MYT1L: variants seen among roughly 807,000 people sequenced by gnomAD.
The protein encoded by MYT1L is myelin transcription factor 1 like.
MYT1L carries 12 observed loss-of-function variants against 126.7 expected under a neutral mutation model. The observed-to-expected ratio is 0.09, with a 90% CI of 0.06 to 0.15. The LOEUF is 0.15. Among genes scored for constraint, MYT1L ranks in the 10% least tolerant of loss-of-function variants. The probability of loss-of-function intolerance (pLI) is 1.00; values close to 1 mark genes in which losing one functional copy is unlikely to be tolerated. For missense variants in MYT1L, 979 were observed against 1,585.2 expected, an observed-to-expected ratio of 0.62 and a Z score of 6.49; for synonymous variants, 541 against 604.2, an observed-to-expected ratio of 0.90 and a Z score of 1.53.
At chr2:1,817,318 G>C (rs2037817572) in intron 21 of MYT1L, among the ~76,000 whole-genome samples, 1 of 152,142 alleles carries the variant, frequency 6.6e-6, no homozygotes, top group African/African-American at 2.4e-5. Flanking sequence ...CCATGGGTGG[G>C]GGGATAGGGG....
chr2:2,028,949 C>CT (rs1385895036), intron 4 of MYT1L, among the ~76,000 whole-genome samples: 1 of 152,150 alleles, frequency 6.6e-6, no homozygotes, highest in Non-Finnish European at 1.5e-5. Flanking sequence ...TAAAGGACAC[C>CT]TTTTTTGAGA....
chr2:1,934,132 G>A (rs980606567), intron 9 of MYT1L, among the ~76,000 whole-genome samples: 4 of 150,700 alleles, frequency 2.7e-5, no homozygotes, highest in Admixed American at 6.6e-5. Flanking sequence ...CCGCCACCAC[G>A]CCTGGCTAAT....
intron 2 of MYT1L, among the ~76,000 whole-genome samples, chr2:2,198,554 G>A (rs1009681992): frequency 2.6e-5 from 4 of 152,052 alleles, no homozygotes; most frequent in African/African-American, 4.8e-5. Context: ...CAATTACCAC[G>A]TGTCAATTAG....
chr2:2,162,797 A>G (rs2088234947), intron 3 of MYT1L, among the ~76,000 whole-genome samples: 1 of 152,200 alleles, frequency 6.6e-6, no homozygotes, highest in Non-Finnish European at 1.5e-5. Flanking sequence ...AGCCTAGTCT[A>G]TTCCAACTCA....
intron 3 of MYT1L, among the ~76,000 whole-genome samples, chr2:2,150,577 T>C (rs2085593957): frequency 2.6e-5 from 4 of 152,186 alleles, no homozygotes; most frequent in Admixed American, 2.6e-4. Context: ...TTTGACTAAA[T>C]TACAATTTTT....
At chr2:2,214,197 C>T (rs1346356050) in intron 2 of MYT1L, among the ~76,000 whole-genome samples, 1 of 151,774 alleles carries the variant, frequency 6.6e-6, no homozygotes, top group Non-Finnish European at 1.5e-5. Context: ...GGGACAACTT[C>T]TAGTGGTCTC....
At chr2:2,247,115 C>T (rs149481743) in intron 2 of MYT1L, among the ~76,000 whole-genome samples, 4 of 152,224 alleles carry the variant, frequency 2.6e-5, no homozygotes, top group East Asian at 1.9e-4. Context: ...GATGGAAAAA[C>T]AAGACCCAAC....
intron 13 of MYT1L, among the ~76,000 whole-genome samples, chr2:1,904,554 G>A (rs1264946203): frequency 6.6e-6 from 1 of 151,480 alleles, no homozygotes; most frequent in Non-Finnish European, 1.5e-5. Context: ...CATTTTCAGT[G>A]GAGACAGGGT....
At position 2,318,770 on chromosome 2, in the gene MYT1L, T is replaced by C. The variant is rs566469016; in HGVS notation, c.-521+12197A>G. ...CAAATTATTAAGATTTTATTTCCTA[T>C]TATATACAAGAACCTAGCATCAACC... On this transcript the variant is annotated intron_variant, in intron 1 of 24. Coordinates refer to ENST00000647738, the MANE Select transcript of MYT1L (RefSeq NM_001303052.2). Among the ~76,000 whole-genome samples, 78 of 152,326 alleles carry C rather than the reference T, an allele frequency of 5.1e-4. No homozygotes were observed. The South Asian group carries it at 8.7e-3, about 17-fold the overall frequency.
At chr2:2,328,875 G>A (rs750768388) in intron 1 of MYT1L, among the ~76,000 whole-genome samples, 2 of 152,166 alleles carry the variant, frequency 1.3e-5, no homozygotes, top group Non-Finnish European at 2.9e-5. Flanking sequence ...AAATGTTCAA[G>A]TATAGATATC....
At chr2:1,845,604 C>T (rs1425230787) in intron 19 of MYT1L, among the ~76,000 whole-genome samples, 2 of 152,150 alleles carry the variant, frequency 1.3e-5, no homozygotes, top group African/African-American at 4.8e-5. Context: ...TCACCTGCAC[C>T]AGCTCTTCTC....
intron 2 of MYT1L, among the ~76,000 whole-genome samples, chr2:2,199,252 T>C (rs1285290834): frequency 6.6e-6 from 1 of 152,236 alleles, no homozygotes; most frequent in East Asian, 1.9e-4. Context: ...AACATTCTTT[T>C]TGATAGGAGA....
intron 2 of MYT1L, among the ~76,000 whole-genome samples, chr2:2,219,454 G>A (rs1037036997): frequency 6.6e-6 from 1 of 152,192 alleles, no homozygotes; most frequent in African/African-American, 2.4e-5. Flanking sequence ...TTTATTCAAA[G>A]ACGTGTACTA....
intron 18 of MYT1L, among the ~76,000 whole-genome samples, chr2:1,867,633 G>A (rs2045752419): frequency 2.0e-5 from 3 of 152,162 alleles, no homozygotes; most frequent in African/African-American, 7.2e-5. Context: ...CTGGGGGTGG[G>A]GGACCTCGGG....
At chr2:2,092,966 G>A (rs1164080363) in intron 3 of MYT1L, among the ~76,000 whole-genome samples, 1 of 152,108 alleles carries the variant, frequency 6.6e-6, no homozygotes, top group Non-Finnish European at 1.5e-5. Context: ...TCTCCACATG[G>A]GTGTGTGTGT....
intron 4 of MYT1L, among the ~76,000 whole-genome samples, chr2:2,036,755 A>G (rs1558810404): frequency 6.6e-6 from 1 of 152,214 alleles, no homozygotes; most frequent in African/African-American, 2.4e-5. Context: ...CTCCACTGCC[A>G]TTCCAGCACC....
intron 3 of MYT1L, among the ~76,000 whole-genome samples, chr2:2,117,679 T>C (rs778747197): frequency 2.0e-5 from 3 of 152,214 alleles, no homozygotes; most frequent in Non-Finnish European, 4.4e-5. Flanking sequence ...TCATTAATTA[T>C]ATTAACTTAA....
chr2:2,125,623 A>T (rs1349929521), intron 3 of MYT1L, among the ~76,000 whole-genome samples: 1 of 152,200 alleles, frequency 6.6e-6, no homozygotes, highest in Non-Finnish European at 1.5e-5. Flanking sequence ...CAAGCTCAAT[A>T]AAAAAGGCAA....
intron 13 of MYT1L, among the ~76,000 whole-genome samples, chr2:1,905,503 G>A (rs1189916717): frequency 2.0e-5 from 3 of 151,730 alleles, no homozygotes; most frequent in South Asian, 2.1e-4. Context: ...ACAGTCTCCC[G>A]CCACCATGCC....
Sources: gnomAD v4.1 joint callset for allele counts (sites outside exome capture counted in the v4.1 genomes callset) on GRCh38, gnomAD v4.1.1 for gene constraint, MANE v1.5 for transcripts, NCBI Gene and HGNC (gene_info 2026-07-23, HGNC 2026-07-21) for gene names.